The following ROBO1 variants were observed in gnomAD, a reference collection of about 807,000 sequenced individuals.
The protein encoded by ROBO1 is roundabout guidance receptor 1.
Under a neutral mutation model 195.9 loss-of-function variants are expected in ROBO1, and 149 were observed. The ratio of observed to expected loss-of-function variants is 0.76; its 90% confidence interval spans 0.67 to 0.87. The LOEUF (loss-of-function observed/expected upper bound fraction) is 0.87, where lower values mean the gene tolerates loss of function less well. ROBO1 is among the 40% of genes least tolerant of loss of function. ROBO1 has a pLI of 0.00. For synonymous variants in ROBO1, 816 were observed against 733.2 expected, an observed-to-expected ratio of 1.11 and a Z score of -1.82; for missense variants, 1,933 against 2,068.3, an observed-to-expected ratio of 0.93 and a Z score of 1.27.
chr3:78,724,623 A>C (rs1355009778), intron 5 of ROBO1, among the ~76,000 whole-genome samples: 2 of 151,650 alleles, frequency 1.3e-5, no homozygotes, highest in African/African-American at 4.8e-5. Context: ...CAGAGGTTGC[A>C]GTGAGCCGAA....
chr3:79,679,455 C>T (rs1946879643), intron 1 of ROBO1, among the ~76,000 whole-genome samples: 1 of 151,972 alleles, frequency 6.6e-6, no homozygotes, highest in Non-Finnish European at 1.5e-5. Context: ...TGTCAGGGAA[C>T]AATTACATTA....
intron 10 of ROBO1, among the ~76,000 whole-genome samples, chr3:78,684,132 C>T (rs2043662): frequency 0.59 from 89,084 of 151,772 alleles, 27,275 homozygotes; most frequent in East Asian, 0.78. Flanking sequence ...ATGAGCTTTA[C>T]TAACAAAAAT....
At chr3:78,672,349 A>G (rs1708114021) in intron 10 of ROBO1, among the ~76,000 whole-genome samples, 1 of 152,090 alleles carries the variant, frequency 6.6e-6, no homozygotes, top group Non-Finnish European at 1.5e-5. Context: ...GTGGCCAAGT[A>G]AGGTGGATTG....
intron 2 of ROBO1, among the ~76,000 whole-genome samples, chr3:79,573,046 A>G (rs1444405291): frequency 1.3e-5 from 2 of 152,090 alleles, no homozygotes; most frequent in Non-Finnish European, 2.9e-5. Flanking sequence ...TTAAAATATA[A>G]ATAATACACA....
At chr3:78,922,542 T>A (rs1233576112) in intron 4 of ROBO1, among the ~76,000 whole-genome samples, 1 of 151,790 alleles carries the variant, frequency 6.6e-6, no homozygotes, top group African/African-American at 2.4e-5. Context: ...CCTCTCCCTA[T>A]CCTCTCTCGA....
chr3:79,274,816 C>T (rs376746885), intron 2 of ROBO1, among the ~76,000 whole-genome samples: 12 of 151,790 alleles, frequency 7.9e-5, no homozygotes, highest in African/African-American at 2.9e-4. Flanking sequence ...CAACAAATAC[C>T]GCAGAAATCC....
chr3:79,299,236 T>G (rs1291497509), intron 2 of ROBO1, among the ~76,000 whole-genome samples: 1 of 152,134 alleles, frequency 6.6e-6, no homozygotes, highest in East Asian at 1.9e-4. Flanking sequence ...TTTCTAAAAA[T>G]AAAATTTAGA....
intron 8 of ROBO1, among the ~76,000 whole-genome samples, chr3:78,694,669 G>A (rs1340464379): frequency 2.0e-5 from 3 of 152,020 alleles, no homozygotes; most frequent in South Asian, 2.1e-4. Flanking sequence ...TCAAAAACAC[G>A]GAATGGATAG....
In ROBO1 at chr3:78,717,767, G is replaced by A; in HGVS notation, c.774C>T (p.Val258=). ...ATTAAATAAAATTACACTTACCTAA[G>A]ACAGTCAGCTCGGCTACTTCACTCT... is the stretch of plus-strand genomic sequence containing the variant. ...ERESEVAELT[V]LERPSFVKRP... The change falls in exon 6 of 31, where the codon GTC becomes GTT. Residue 258 remains valine (V), a synonymous_variant. Transcript: ENST00000464233. 1 of 1,613,020 alleles carries A rather than the reference G, an allele frequency of 6.2e-7. No individual in the cohort carries two copies. The highest frequency in any genetic ancestry group is 8.5e-7 in the Non-Finnish European group (1 of 1,179,524).
At chr3:78,908,685 G>A (rs1363365450) in intron 4 of ROBO1, among the ~76,000 whole-genome samples, 1 of 151,750 alleles carries the variant, frequency 6.6e-6, no homozygotes, top group African/African-American at 2.4e-5. Flanking sequence ...AAACCAAACT[G>A]CTACAGCCAT....
At chr3:79,389,156 A>G (rs2036859568) in intron 2 of ROBO1, among the ~76,000 whole-genome samples, 1 of 152,176 alleles carries the variant, frequency 6.6e-6, no homozygotes, top group Admixed American at 6.6e-5. Flanking sequence ...CATATTAAAA[A>G]TAATGCTCAA....
At chr3:79,464,709 T>C (rs1937857393) in intron 2 of ROBO1, among the ~76,000 whole-genome samples, 1 of 152,250 alleles carries the variant, frequency 6.6e-6, no homozygotes, top group South Asian at 2.1e-4. Flanking sequence ...TTCTTGATGA[T>C]ATCCATTATT....
chr3:78,838,749 G>A (rs1381832875), intron 4 of ROBO1, among the ~76,000 whole-genome samples: 2 of 152,114 alleles, frequency 1.3e-5, no homozygotes, highest in Admixed American at 6.5e-5. Flanking sequence ...TTAGCCTTGG[G>A]GGACAATCAT....
chr3:78,904,433 T>G (rs1475921188), intron 4 of ROBO1, among the ~76,000 whole-genome samples: 1 of 152,086 alleles, frequency 6.6e-6, no homozygotes, highest in Non-Finnish European at 1.5e-5. Flanking sequence ...CAAATTCCAT[T>G]TCTTTCTTCT....
At chr3:79,473,920 A>C (rs7651370) in intron 2 of ROBO1, among the ~76,000 whole-genome samples, 2 of 151,968 alleles carry the variant, frequency 1.3e-5, no homozygotes, top group African/African-American at 4.8e-5. Flanking sequence ...CAGAGAGCAA[A>C]AAATTATGTC....
chr3:79,636,889 T>C (rs1469584491), intron 1 of ROBO1, among the ~76,000 whole-genome samples: 1 of 152,204 alleles, frequency 6.6e-6, no homozygotes, highest in Admixed American at 6.5e-5. Context: ...GAAAAATACA[T>C]TTTGTAAATT....
intron 2 of ROBO1, among the ~76,000 whole-genome samples, chr3:79,171,913 A>T (rs2081174485): frequency 6.6e-6 from 1 of 152,098 alleles, no homozygotes; most frequent in Admixed American, 6.5e-5. Flanking sequence ...ACACACACAA[A>T]CAGCTTTCCT....
At chr3:79,693,342 C>G (rs1255193426) in intron 1 of ROBO1, among the ~76,000 whole-genome samples, 1 of 151,246 alleles carries the variant, frequency 6.6e-6, no homozygotes, top group Non-Finnish European at 1.5e-5. Context: ...AATACACAAG[C>G]AGATCACCTG....
chr3:79,364,823 A>T (rs1427130370), intron 2 of ROBO1, among the ~76,000 whole-genome samples: 1 of 152,232 alleles, frequency 6.6e-6, no homozygotes, highest in Non-Finnish European at 1.5e-5. Context: ...TTAAATAAGC[A>T]TGCATACCTG....
Sources: allele counts gnomAD v4.1 joint callset (sites outside exome capture counted in the v4.1 genomes callset), GRCh38; gene constraint gnomAD v4.1.1; transcripts MANE v1.5; gene names NCBI Gene and HGNC (gene_info 2026-07-23, HGNC 2026-07-21).